The following FRZB variants were observed in gnomAD, a reference collection of about 807,000 sequenced individuals.
The protein encoded by FRZB is frizzled related protein.
In FRZB, 34 loss-of-function variants were observed where a neutral mutation model predicts 32.5. That is an observed-to-expected ratio of 1.05 (90% CI 0.80 to 1.39). The LOEUF (loss-of-function observed/expected upper bound fraction) is 1.39, where lower values mean the gene tolerates loss of function less well. Among genes scored for constraint, FRZB ranks in the 40% most tolerant of loss-of-function variants. FRZB has a pLI of 0.00. For synonymous variants in FRZB, 170 were observed against 159.2 expected (o/e 1.07, Z -0.51); for missense variants, 423 against 424.8 (o/e 1.00, Z 0.04).
At chr2:182,842,016 A>G (rs1458986636) in intron 3 of FRZB, among the ~76,000 whole-genome samples, 1 of 152,200 alleles carries the variant, frequency 6.6e-6, no homozygotes, top group Non-Finnish European at 1.5e-5. Flanking sequence ...TACAAGTGTT[A>G]CTTTCCAAAT....
chr2:182,849,828 C>T (rs1344227724), intron 2 of FRZB, among the ~76,000 whole-genome samples: 1 of 152,094 alleles, frequency 6.6e-6, no homozygotes, highest in Non-Finnish European at 1.5e-5. Context: ...TTTCTGCATC[C>T]AAGAGTTATT....
intron 5 of FRZB, among the ~76,000 whole-genome samples, chr2:182,837,012 TG>T (rs747008785): frequency 6.6e-6 from 1 of 151,966 alleles, no homozygotes; most frequent in Non-Finnish European, 1.5e-5. Flanking sequence ...ACCATGTAAA[TG>T]TTTCCCAAGC....
In FRZB at chr2:182,866,523, C is replaced by T; in HGVS notation, c.30G>A (p.Leu10=). The T allele has an allele frequency of 1.3e-6, 2 of 1,484,106 alleles. No homozygotes were observed. Among genetic ancestry groups the T allele is most frequent in the Non-Finnish European group, 1.8e-6 (2 of 1,118,352 alleles). 91.9% of individuals were successfully genotyped at this position (1,484,106 alleles called of 1,614,324 possible). A position where few individuals can be genotyped will look rare whatever the true frequency, so the allele number is the denominator to read the frequency against. ...GGGCAAGCAGCCCGGCCCGCAGCAG[C>T]AGCATCCCTCCCGGGCTGCCGCAGA... The part of the protein sequence containing the change: MVCGSPGGM[L]LLRAGLLALA... Residue 10 remains leucine, a synonymous_variant, in exon 1 of 6, where the codon CTG becomes CTA. Transcript: ENST00000295113. This position sits in a 1 kb window ranked among gnomAD's most constrained non-coding sequence, Gnocchi z 4.5.
intron 2 of FRZB, among the ~76,000 whole-genome samples, chr2:182,855,606 G>C (rs1025035081): frequency 1.3e-5 from 2 of 152,136 alleles, no homozygotes; most frequent in Admixed American, 6.6e-5. Context: ...ATCTAAACAA[G>C]AGAGAAAAAA....
chr2:182,848,070 T>TAAAA (rs11361784), intron 2 of FRZB, among the ~76,000 whole-genome samples: 1 of 139,896 alleles, frequency 7.1e-6, no homozygotes, highest in African/African-American at 2.6e-5. Context: ...CTCAACATGG[T>TAAAA]AAAAAAAAAA....
chr2:182,866,442 G>C lies in FRZB; in HGVS notation c.111C>G (p.Pro37=), dbSNP rs758136500. 2.5e-6 allele frequency: 4 copies of C among 1,585,560 alleles called. No homozygotes were observed. The highest frequency in any genetic ancestry group is 3.4e-6 in the Non-Finnish European group (4 of 1,163,668). Residue 37 remains proline, a synonymous_variant, in exon 1 of 6, where the codon CCC becomes CCG. Transcript: ENST00000295113. The surrounding 1 kb of genome is among the most constrained non-coding windows in gnomAD (Gnocchi z 4.5). ...GGGACTTGCACAGGGGGATGCGGAC[G>C]GGCTCACAGGCTGCAGCCCGAGCCC... ...VPGARAAACE[P]VRIPLCKSLP... is the part of the protein sequence containing the mutation.
intron 2 of FRZB, among the ~76,000 whole-genome samples, chr2:182,853,632 A>C (rs1452513834): frequency 6.6e-6 from 1 of 152,200 alleles, no homozygotes; most frequent in East Asian, 1.9e-4. Context: ...TTTGGTAGAC[A>C]TTCCCTCAGA....
rs763899884 is a variant in FRZB, at chr2:182,866,328, C to A, written c.225G>T (p.Leu75=). Residue 75 remains leucine (L), a synonymous_variant, in exon 1 of 6, where the codon CTG becomes CTT. Coordinates refer to ENST00000295113, the MANE Select transcript of FRZB (RefSeq NM_001463.4). This position sits in a 1 kb window ranked among gnomAD's most constrained non-coding sequence, Gnocchi z 4.5. The part of the protein sequence containing the change: ...AILAIEQFEG[L]LGTHCSPDLL... ...GATCGGGGCTGCAGTGGGTGCCCAG[C>A]AGACCTTCGAACTGCTCGATGGCCA... The A allele has an allele frequency of 6.8e-6, 11 of 1,614,236 alleles. 1 individual carries two copies. The South Asian group carries it at 1.2e-4, about 18-fold the overall frequency.
chr2:182,834,577 A>G lies in FRZB; in HGVS notation c.*272T>C, dbSNP rs530237479. 34 of 414,828 alleles carry G rather than the reference A, an allele frequency of 8.2e-5. No individual in the cohort carries two copies. The East Asian group carries it at 1.3e-3, about 16-fold the overall frequency. The allele number at this position is 414,828 out of a possible 1,614,324, so 25.7% of individuals were successfully genotyped here. Reference sequence around the variant, plus strand: ...GCTCTGGTAACAGCATGTTTAATTTATTATTATTGCAAAAGAACAGTTTTT... The same window carrying G: ...GCTCTGGTAACAGCATGTTTAATTTGTTATTATTGCAAAAGAACAGTTTTT... On this transcript the variant is annotated 3_prime_UTR_variant, in exon 6 of 6. Transcript: ENST00000295113.
At chr2:182,838,980 C>G (rs1271197619) in intron 3 of FRZB, among the ~76,000 whole-genome samples, 6 of 152,076 alleles carry the variant, frequency 3.9e-5, no homozygotes, top group African/African-American at 1.4e-4. Flanking sequence ...ATGTGCAGTT[C>G]CAATTGCTGC....
In FRZB at chr2:182,866,468, C is replaced by T; in HGVS notation, c.85G>A (p.Gly29Arg). The T allele has an allele frequency of 6.4e-7, 1 of 1,563,036 alleles. No homozygotes were observed. The highest frequency in any genetic ancestry group is 1.2e-5 in the South Asian group (1 of 83,686). ...GGCTCACAGGCTGCAGCCCGAGCCC[C>T]GGGCACCCGGAGCAGGCAGAGAGCA... Reference protein sequence around the residue: ...LAALCLLRVPGARAAACEPVR... With the variant: ...LAALCLLRVPRARAAACEPVR... Residue 29 changes from glycine (G) to arginine (R), a missense_variant, in exon 1 of 6, where the codon GGG becomes AGG. Coordinates refer to ENST00000295113, the MANE Select transcript of FRZB (RefSeq NM_001463.4). The surrounding 1 kb of genome is among the most constrained non-coding windows in gnomAD (Gnocchi z 4.5).
At position 182,834,660 on chromosome 2, in the gene FRZB, T is replaced by C; in HGVS notation, c.*189A>G. 1 of 599,116 alleles carries C rather than the reference T, an allele frequency of 1.7e-6. No individual in the cohort carries two copies. The highest frequency in any genetic ancestry group is 3.0e-6 in the Non-Finnish European group (1 of 332,740). The allele number at this position is 599,116 out of a possible 1,614,324, so 37.1% of individuals were successfully genotyped here. On this transcript the variant is annotated 3_prime_UTR_variant, in exon 6 of 6. Transcript: ENST00000295113. ...TACTTAAGAGTCTGCCCCCAAACCA[T>C]TACAAAGGGGTTGAGAGAAGAGAGA...
intron 1 of FRZB, among the ~76,000 whole-genome samples, chr2:182,865,323 G>T (rs935638626): frequency 6.6e-6 from 1 of 152,118 alleles, no homozygotes; most frequent in Non-Finnish European, 1.5e-5. Flanking sequence ...TGACTTGAAG[G>T]CATGTGGGCA....
intron 2 of FRZB, among the ~76,000 whole-genome samples, chr2:182,844,224 C>A (rs529106332): frequency 8.3e-4 from 126 of 152,242 alleles, no homozygotes; most frequent in African/African-American, 2.7e-3. Context: ...TTTTAGCACA[C>A]AATTTCTGTG....
chr2:182,835,065 G>T, intron 5 of FRZB, 100 bp from the exon 6 acceptor site: 1 of 832,872 alleles, frequency 1.2e-6, no homozygotes, highest in South Asian at 1.5e-5. Flanking sequence ...TCAGATCTCT[G>T]AAGCATTTTG....
chr2:182,842,943 T>C (rs1695601889), intron 2 of FRZB, among the ~76,000 whole-genome samples: 4 of 152,174 alleles, frequency 2.6e-5, no homozygotes, highest in African/African-American at 7.2e-5. Context: ...CTGTGGACTA[T>C]CACCTAATGT....
chr2:182,846,679 T>A (rs749820884), intron 2 of FRZB, among the ~76,000 whole-genome samples: 1 of 152,092 alleles, frequency 6.6e-6, no homozygotes, highest in African/African-American at 2.4e-5. Context: ...TTAAAACACA[T>A]AGGAGCAAAG....
intron 1 of FRZB, among the ~76,000 whole-genome samples, chr2:182,864,643 C>T (rs1254127529): frequency 6.6e-6 from 1 of 151,844 alleles, no homozygotes; most frequent in Non-Finnish European, 1.5e-5. Flanking sequence ...ATTTTTTTTC[C>T]TTCAGCTATT....
rs1263250079 is a variant in FRZB at position 182,838,005 on chromosome 2, G to C, written c.804C>G (p.Leu268=). The change falls in exon 5 of 6, where the codon CTC becomes CTG. Residue 268 remains leucine (L), a synonymous_variant. Coordinates refer to ENST00000295113, the MANE Select transcript of FRZB (RefSeq NM_001463.4). ...GYEDEERSRL[L]LVEGSIAEKW... is the part of the protein sequence containing the mutation. The stretch of plus-strand genomic sequence containing the variant: ...TCTCAGCTATAGAGCCTTCCACCAA[G>C]AGTAATCTGTATTTTTGAAAGAAGC... 6.2e-7 allele frequency: 1 copy of C among 1,611,000 alleles called. No homozygotes were observed. The highest frequency in any genetic ancestry group is 2.2e-5 in the East Asian group (1 of 44,814).
Sources: allele counts gnomAD v4.1 joint callset (sites outside exome capture counted in the v4.1 genomes callset), GRCh38; gene constraint gnomAD v4.1.1; non-coding constraint Gnocchi (gnomAD v3.1); transcripts MANE v1.5; gene names NCBI Gene and HGNC (gene_info 2026-07-23, HGNC 2026-07-21).